Variants in PHRF1 observed in about 807,000 individuals in gnomAD.
PHRF1 encodes the protein PHD and RING finger domain-containing protein 1.
PHRF1 carries 53 observed loss-of-function variants against 128.9 expected under a neutral mutation model. That is an observed-to-expected ratio of 0.41 (90% CI 0.33 to 0.52). The LOEUF (loss-of-function observed/expected upper bound fraction) is 0.52. PHRF1 is among the 20% of genes least tolerant of loss of function. The probability of loss-of-function intolerance (pLI) is 0.21; values close to 1 mark genes in which losing one functional copy is unlikely to be tolerated. For missense variants in PHRF1, 2,503 were observed against 2,284.5 expected (o/e 1.10, Z -1.95); for synonymous variants, 1,178 against 980.6 (o/e 1.20, Z -3.76).
chr11:578,843 G>A (rs1854039433), intron 1 of PHRF1, among the ~76,000 whole-genome samples: 1 of 152,024 alleles, frequency 6.6e-6, no homozygotes, highest in Admixed American at 6.5e-5. Flanking sequence ...GAGCCACCAC[G>A]CCCGGCTGAT....
At chr11:584,218 C>T (rs1854388483) in intron 3 of PHRF1, among the ~76,000 whole-genome samples, 1 of 152,182 alleles carries the variant, frequency 6.6e-6, no homozygotes, top group Non-Finnish European at 1.5e-5. Context: ...CAGGTTAGGG[C>T]TCTGGTTCAT....
chr11:598,259 C>T (rs983252359), intron 8 of PHRF1, 114 bp from the exon 9 acceptor site: 14 of 1,365,308 alleles, frequency 1.0e-5, no homozygotes, highest in African/African-American at 3.0e-5. Context: ...GGTGGGGAGG[C>T]TGTCCTGCTT....
At position 609,042 on chromosome 11, in the gene PHRF1, G is replaced by C. The variant is rs778684384; in HGVS notation, c.3586G>C (p.Gly1196Arg). The C allele has an allele frequency of 2.5e-5, 40 of 1,594,294 alleles. No homozygotes were observed. Among genetic ancestry groups the C allele is most frequent in the Non-Finnish European group, 3.4e-5 (40 of 1,171,124 alleles). ...CCGGTCCCATTCCCCAGAGAGGAAG[G>C]GGGCTGTGAGGGAGGCTTCCCCAGC... ...QTRSHSPERK[G>R]AVREASPAPL... Residue 1196 changes from glycine (G) to arginine (R), a missense_variant, in exon 14 of 18, where the codon GGG becomes CGG. Physicochemically the swap from Gly to Arg is moderately radical, Grantham distance 125. Transcript: ENST00000264555.
chr11:604,687 G>C (rs966258012), intron 10 of PHRF1, among the ~76,000 whole-genome samples: 1 of 152,092 alleles, frequency 6.6e-6, no homozygotes, highest in Non-Finnish European at 1.5e-5. Flanking sequence ...GCTAATTTTT[G>C]TATTTTTAGT....
chr11:596,367 T>G (rs1278630571), intron 6 of PHRF1, among the ~76,000 whole-genome samples: 1 of 152,218 alleles, frequency 6.6e-6, no homozygotes, highest in Non-Finnish European at 1.5e-5. Context: ...AACCTTCGCC[T>G]TCTTCAGTGG....
In PHRF1 at chr11:607,345, C is replaced by T. The variant is rs1485722815; in HGVS notation, c.1889C>T (p.Pro630Leu). 3 of 1,612,648 alleles carry T rather than the reference C, an allele frequency of 1.9e-6. No individual in the cohort carries two copies. The highest frequency in any genetic ancestry group is 2.2e-5 in the East Asian group (1 of 44,896). Residue 630 changes from proline to leucine, a missense_variant, in exon 14 of 18, where the codon CCC (proline) becomes CTC (leucine). Coordinates refer to ENST00000264555, the MANE Select transcript of PHRF1 (RefSeq NM_001286581.2). ...SVPGFRQSHS[P>L]WFNGTNKHTL... ...CCTGGCTTCAGACAGAGCCACAGCC[C>T]CTGGTTCAACGGCACCAACAAGCAC... is the stretch of plus-strand genomic sequence containing the variant.
chr11:581,350 G>C (rs1017060843), intron 1 of PHRF1, 142 bp from the exon 2 acceptor site: 4 of 661,234 alleles, frequency 6.0e-6, no homozygotes, highest in Non-Finnish European at 1.0e-5. Flanking sequence ...TTCTGTGGGT[G>C]ATATCTCAGG....
chr11:592,481 A>T, intron 5 of PHRF1, 78 bp from the exon 6 acceptor site: 1 of 1,418,538 alleles, frequency 7.0e-7, no homozygotes, highest in Admixed American at 1.7e-5. Context: ...TGGATTCTGG[A>T]TTAACTGCGT....
intron 3 of PHRF1, among the ~76,000 whole-genome samples, chr11:586,041 T>C (rs937794621): frequency 2.0e-5 from 3 of 151,638 alleles, no homozygotes; most frequent in Non-Finnish European, 4.4e-5. Flanking sequence ...TTGTATTTTT[T>C]GTAGAGACGG....
chr11:605,537 C>T, intron 11 of PHRF1, 68 bp from the exon 12 acceptor site: 2 of 1,587,112 alleles, frequency 1.3e-6, no homozygotes, highest in East Asian at 2.2e-5. Flanking sequence ...TCCGTGCCGT[C>T]TCCCTGGGCT....
chr11:577,332 G>C (rs1454043620), intron 1 of PHRF1, among the ~76,000 whole-genome samples: 4 of 152,252 alleles, frequency 2.6e-5, no homozygotes, highest in African/African-American at 9.6e-5. Context: ...CCCTTCTTCG[G>C]AGTTTATGTG....
Position 611,836 on chromosome 11 carries a change from A to C in PHRF1, c.*59A>C. On this transcript the variant is annotated 3_prime_UTR_variant, in exon 18 of 18. Transcript: ENST00000264555. ...GTCGGGAGTGGCGGGAATCGGGGCC[A>C]TGCCCGGGGAGCTGTCGGGAGTGGC... 6.5e-7 allele frequency: 1 copy of C among 1,531,818 alleles called. No individual in the cohort carries two copies. Among genetic ancestry groups the C allele is most frequent in the Non-Finnish European group, 8.8e-7 (1 of 1,142,322 alleles). The allele number at this position is 1,531,818 out of a possible 1,614,324, so 94.9% of individuals were successfully genotyped here.
chr11:592,440 T>A (rs544799195), intron 5 of PHRF1, 119 bp from the exon 6 acceptor site: 1 of 961,710 alleles, frequency 1.0e-6, no homozygotes, highest in African/African-American at 1.6e-5. Flanking sequence ...TCTGGGCCTG[T>A]GGAGCCCAAA....
At chr11:586,288 C>G (rs1409774297) in intron 3 of PHRF1, among the ~76,000 whole-genome samples, 1 of 152,162 alleles carries the variant, frequency 6.6e-6, no homozygotes, top group Non-Finnish European at 1.5e-5. Context: ...CCACCACGCC[C>G]GGCCAGTAGC....
chr11:587,403 T>C lies in PHRF1; in HGVS notation c.359T>C (p.Val120Ala). Reference sequence around the variant, plus strand: ...CTCAACGCATTCAGAGACCAGGCCGTGGGGACGCCGGAGAACTGTGCCCAT... The same window carrying C: ...CTCAACGCATTCAGAGACCAGGCCGCGGGGACGCCGGAGAACTGTGCCCAT... ...ICLNAFRDQA[V>A]GTPENCAHYF... Residue 120 changes from valine (V) to alanine (A), a missense_variant, in exon 4 of 18, where the codon GTG (valine) becomes GCG (alanine). By Grantham distance (64) the Val-to-Ala change is moderately conservative. Transcript: ENST00000264555. 6.2e-7 allele frequency: 1 copy of C among 1,613,838 alleles called. No homozygotes were observed.
At chr11:584,131 T>C (rs887745170) in intron 3 of PHRF1, among the ~76,000 whole-genome samples, 12 of 152,198 alleles carry the variant, frequency 7.9e-5, no homozygotes, top group Admixed American at 6.5e-4. Context: ...CAGAGTTCGA[T>C]GTTTAGCTCT....
chr11:590,829 G>C (rs573726234), intron 4 of PHRF1, among the ~76,000 whole-genome samples: 30 of 151,904 alleles, frequency 2.0e-4, no homozygotes, highest in Non-Finnish European at 4.1e-4. Flanking sequence ...TCAGCCTCCC[G>C]AGTAGCTGGG....
In PHRF1 at chr11:608,422, C is replaced by T; in HGVS notation, c.2966C>T (p.Pro989Leu). 6.2e-7 allele frequency: 1 copy of T among 1,611,748 alleles called. No individual in the cohort carries two copies. Among genetic ancestry groups the T allele is most frequent in the South Asian group, 1.1e-5 (1 of 90,956 alleles). ...AATHRVVELR[P>L]PSRSRSTSSS... ...ACCCACAGAGTCGTGGAGCTCAGGC[C>T]CCCTTCCCGGTCCCGCTCCACATCC... is the stretch of plus-strand genomic sequence containing the variant. Residue 989 changes from proline (P) to leucine (L), a missense_variant, in exon 14 of 18, where the codon CCC becomes CTC. By Grantham distance (98) the Pro-to-Leu change is moderately conservative (BLOSUM62 -3). Coordinates refer to ENST00000264555, the MANE Select transcript of PHRF1 (RefSeq NM_001286581.2).
intron 12 of PHRF1, 106 bp downstream of exon 12, chr11:605,830 G>C (rs1476915433): frequency 6.9e-7 from 1 of 1,440,404 alleles, no homozygotes; most frequent in Non-Finnish European, 9.1e-7. Context: ...GCCCTGGGTG[G>C]CGTCAGCACC....
Sources: gnomAD v4.1 joint callset for allele counts (sites outside exome capture counted in the v4.1 genomes callset) on GRCh38, gnomAD v4.1.1 for gene constraint, MANE v1.5 for transcripts, NCBI Gene and HGNC (gene_info 2026-07-23, HGNC 2026-07-21) for gene names.